The following GPATCH2L variants were observed in gnomAD, a reference collection of about 807,000 sequenced individuals.
GPATCH2L encodes G patch domain-containing protein 2-like.
GPATCH2L carries 31 observed loss-of-function variants against 57.4 expected under a neutral mutation model. The ratio of observed to expected loss-of-function variants is 0.54; its 90% CI spans 0.41 to 0.73. The LOEUF (loss-of-function observed/expected upper bound fraction) is 0.73, where lower values mean the gene tolerates loss of function less well. Among genes scored for constraint, GPATCH2L ranks in the 30% least tolerant of loss-of-function variants. The pLI is 0.00. For synonymous variants in GPATCH2L, 199 were observed against 210.7 expected, an observed-to-expected ratio of 0.94 and a Z score of 0.48; for missense variants, 481 against 599.9, an observed-to-expected ratio of 0.80 and a Z score of 2.07.
chr14:76,219,005 C>CAAA (rs572896740), downstream of GPATCH2L, among the ~76,000 whole-genome samples: 187 of 73,770 alleles, frequency 2.5e-3, no homozygotes, highest in East Asian at 0.021. Context: ...TCTAAAAGTA[C>CAAA]AAAAAAAAAA....
intron 8 of GPATCH2L, among the ~76,000 whole-genome samples, chr14:76,190,991 G>A (rs760380867): frequency 1.3e-5 from 2 of 152,048 alleles, no homozygotes; most frequent in Admixed American, 6.6e-5. Context: ...TTCCCTTAAC[G>A]TATTACATGG....
intron 2 of GPATCH2L, among the ~76,000 whole-genome samples, chr14:76,163,669 A>G (rs940152081): frequency 1.3e-5 from 2 of 152,174 alleles, no homozygotes; most frequent in Non-Finnish European, 2.9e-5. Flanking sequence ...CATCATTTGC[A>G]TTTGTGTATT....
At position 76,211,395 on chromosome 14, in the gene GPATCH2L, G is replaced by A. The variant is rs1264528134; in HGVS notation, c.*9544G>A. 1 of 152,204 alleles carries A rather than the reference G, an allele frequency of 6.6e-6. No individual in the cohort carries two copies. Among genetic ancestry groups the A allele is most frequent in the African/African-American group, 2.4e-5 (1 of 41,456 alleles). 9.4% of individuals were successfully genotyped at this position (152,204 alleles called of 1,614,324 possible). ...GCATTGCCTTGATCACCTTCCGTGG[G>A]AAATATAGCTAGGCCCACTTATTGG... On this transcript the variant is annotated 3_prime_UTR_variant, in exon 10 of 10. Transcript: ENST00000261530.
At chr14:76,161,017 T>G (rs1415031953) in intron 2 of GPATCH2L, among the ~76,000 whole-genome samples, 1 of 152,194 alleles carries the variant, frequency 6.6e-6, no homozygotes, top group Non-Finnish European at 1.5e-5. Context: ...AAGAAATTCT[T>G]TTATTATATA....
intron 1 of GPATCH2L, chr14:76,153,149 T>C (rs2038134231): frequency 1.0e-5 from 2 of 200,508 alleles, no homozygotes; most frequent in South Asian, 7.2e-5. Context: ...TTTAAGTTCA[T>C]TGGCATAGGC....
Position 76,172,039 on chromosome 14 carries a change from A to G in GPATCH2L, c.904+20A>G, listed in dbSNP as rs189776085. On this transcript the variant is annotated intron_variant, in intron 4 of 9. Transcript: ENST00000261530. ...AAAGAGGTGAGTTCTGAGGAGACCA[A>G]GAACTTAATGCTTTTATGGTTCTCC... is the stretch of plus-strand genomic sequence containing the variant. The G allele has an allele frequency of 8.5e-4, 1,309 of 1,533,456 alleles. 1 individual carries two copies. Among genetic ancestry groups the G allele is most frequent in the Non-Finnish European group, 1.1e-3 (1,232 of 1,128,234 alleles). 95.0% of individuals were successfully genotyped at this position (1,533,456 alleles called of 1,614,324 possible).
At chr14:76,229,341 A>G (rs1015981314) in intron 1 of GPATCH2L, among the ~76,000 whole-genome samples, 2 of 152,110 alleles carry the variant, frequency 1.3e-5, no homozygotes, top group South Asian at 2.1e-4. Context: ...CAGGGACTAA[A>G]CTCTGTGGCC....
intron 8 of GPATCH2L, among the ~76,000 whole-genome samples, chr14:76,189,685 C>T (rs2039893396): frequency 6.6e-6 from 1 of 151,988 alleles, no homozygotes; most frequent in African/African-American, 2.4e-5. Context: ...TTTGGATGCC[C>T]TTTATTTCTT....
intron 1 of GPATCH2L, chr14:76,229,770 A>G (rs1191278619): frequency 6.6e-6 from 1 of 152,134 alleles, no homozygotes; most frequent in African/African-American, 2.4e-5. Context: ...AAAGCTATGC[A>G]GTGGGACTCA....
intron 2 of GPATCH2L, among the ~76,000 whole-genome samples, chr14:76,163,581 G>A (rs1033083213): frequency 1.3e-5 from 2 of 152,188 alleles, no homozygotes; most frequent in African/African-American, 4.8e-5. Flanking sequence ...GGTTGTCAGT[G>A]AGGAAATTAG....
intron 8 of GPATCH2L, among the ~76,000 whole-genome samples, chr14:76,189,362 G>C (rs1417541777): frequency 7.0e-6 from 1 of 142,672 alleles, no homozygotes; most frequent in South Asian, 2.1e-4. Context: ...AGTTTTTTTG[G>C]TGTCTTCTTC....
intron 9 of GPATCH2L, among the ~76,000 whole-genome samples, chr14:76,198,170 T>A (rs2040213397): frequency 1.3e-5 from 2 of 152,090 alleles, no homozygotes; most frequent in African/African-American, 2.4e-5. Flanking sequence ...TCATTCTCCC[T>A]CCTTTACGGC....
At chr14:76,180,511 A>G (rs1897023649) in intron 7 of GPATCH2L, among the ~76,000 whole-genome samples, 1 of 152,166 alleles carries the variant, frequency 6.6e-6, no homozygotes, top group Admixed American at 6.5e-5. Context: ...TTAAGTGACT[A>G]TTGTATGTCA....
chr14:76,152,539 C>A, intron 1 of GPATCH2L: 1 of 400,590 alleles, frequency 2.5e-6, no homozygotes, highest in Non-Finnish European at 5.0e-6. Context: ...CCACCAGCTA[C>A]CCGTTCCTTC....
At chr14:76,220,172 A>G (rs1022612774) in intron 1 of GPATCH2L, among the ~76,000 whole-genome samples, 2 of 152,180 alleles carry the variant, frequency 1.3e-5, no homozygotes, top group Non-Finnish European at 2.9e-5. Context: ...GCAATTACAC[A>G]AGGCTTTAAT....
chr14:76,232,296 G>T (rs1002078283), intron 2 of GPATCH2L, among the ~76,000 whole-genome samples: 2 of 152,072 alleles, frequency 1.3e-5, no homozygotes, highest in African/African-American at 4.8e-5. Context: ...CATTACAGTT[G>T]TTCCCAGGCT....
intron 9 of GPATCH2L, among the ~76,000 whole-genome samples, chr14:76,200,271 T>C (rs1246850095): frequency 6.6e-6 from 1 of 152,190 alleles, no homozygotes; most frequent in Admixed American, 6.5e-5. Flanking sequence ...TACAACAGTG[T>C]GAATGTACTT....
chr14:76,181,692 A>G (rs543252948), intron 8 of GPATCH2L, among the ~76,000 whole-genome samples: 1 of 152,308 alleles, frequency 6.6e-6, no homozygotes, highest in East Asian at 1.9e-4. Flanking sequence ...ACAAATATAA[A>G]TTCTTTTAGG....
chr14:76,170,035 G>C (rs2039015279), intron 3 of GPATCH2L, among the ~76,000 whole-genome samples: 2 of 152,210 alleles, frequency 1.3e-5, no homozygotes, highest in African/African-American at 4.8e-5. Context: ...TGCTTCAGAT[G>C]CATGCTCAAA....
Sources: gnomAD v4.1 joint callset for allele counts (sites outside exome capture counted in the v4.1 genomes callset) on GRCh38, gnomAD v4.1.1 for gene constraint, MANE v1.5 for transcripts, NCBI Gene and HGNC (gene_info 2026-07-23, HGNC 2026-07-21) for gene names.